The following CADM2 variants were observed in gnomAD, a reference collection of about 807,000 sequenced individuals.
CADM2 encodes immunoglobulin superfamily member 4D.
In CADM2, 12 loss-of-function variants were observed where a neutral mutation model predicts 49.8. The ratio of observed to expected loss-of-function variants is 0.24; its 90% CI spans 0.15 to 0.39. The LOEUF (loss-of-function observed/expected upper bound fraction) is 0.39, where lower values mean the gene tolerates loss of function less well. CADM2 is among the 10% of genes least tolerant of loss of function. CADM2 has a pLI of 1.00. For synonymous variants in CADM2, 214 were observed against 175.4 expected, an observed-to-expected ratio of 1.22 and a Z score of -1.74; for missense variants, 378 against 492.3, an observed-to-expected ratio of 0.77 and a Z score of 2.20.
intron 1 of CADM2, among the ~76,000 whole-genome samples, chr3:85,392,543 A>G (rs1439342153): frequency 6.6e-6 from 1 of 152,108 alleles, no homozygotes; most frequent in Non-Finnish European, 1.5e-5. Context: ...CTTTAGGCAG[A>G]ACATACATCC....
chr3:85,178,050 T>C (rs1483804484), intron 1 of CADM2, among the ~76,000 whole-genome samples: 2 of 151,942 alleles, frequency 1.3e-5, no homozygotes, highest in East Asian at 1.9e-4. Context: ...TCTGTACTAC[T>C]GTTCTGAAAC....
chr3:85,761,770 T>C (rs994485972), intron 2 of CADM2, among the ~76,000 whole-genome samples: 1 of 152,188 alleles, frequency 6.6e-6, no homozygotes. Flanking sequence ...TGTGTGTTTG[T>C]TAGTAGCATT....
intron 1 of CADM2, among the ~76,000 whole-genome samples, chr3:85,168,370 T>G (rs1370508526): frequency 6.6e-6 from 1 of 152,100 alleles, no homozygotes; most frequent in Non-Finnish European, 1.5e-5. Context: ...ACCGTAAACT[T>G]TATAGCTTTA....
chr3:85,897,356 G>A (rs112374913), intron 5 of CADM2, among the ~76,000 whole-genome samples: 46,311 of 139,230 alleles, frequency 0.33, 8,495 homozygotes, highest in East Asian at 0.45. Context: ...TGCAAGCTCC[G>A]CTTCCCGGGT....
intron 5 of CADM2, among the ~76,000 whole-genome samples, chr3:85,891,003 T>C (rs1362877637): frequency 1.3e-5 from 2 of 152,202 alleles, no homozygotes; most frequent in Non-Finnish European, 2.9e-5. Context: ...AAATTTATTC[T>C]ATAGGCAATA....
intron 1 of CADM2, among the ~76,000 whole-genome samples, chr3:85,643,833 G>A (rs555659542): frequency 4.6e-5 from 7 of 152,020 alleles, no homozygotes; most frequent in Non-Finnish European, 8.8e-5. Context: ...TTTAATCATA[G>A]ATGTTAGATG....
intron 1 of CADM2, among the ~76,000 whole-genome samples, chr3:85,110,934 A>G (rs1286997933): frequency 6.6e-6 from 1 of 151,980 alleles, no homozygotes; most frequent in Non-Finnish European, 1.5e-5. Context: ...ACTTCCATTG[A>G]TAACTATCTA....
At chr3:85,551,458 C>T (rs558858752) in intron 1 of CADM2, among the ~76,000 whole-genome samples, 1 of 152,176 alleles carries the variant, frequency 6.6e-6, no homozygotes, top group African/African-American at 2.4e-5. Context: ...TAGTCAGGTA[C>T]CCTAAGTAGC....
In CADM2 at chr3:85,312,578, C is replaced by A. The variant is rs56057829; in HGVS notation, c.61+352910C>A. On this transcript the variant is annotated intron_variant, in intron 1 of 9. Transcript: ENST00000383699. ...TATGATTCTCCACTTGGAATGTTTA[C>A]ATCACTTATTAGGTAAACAGTAGCA... Among the ~76,000 whole-genome samples the A allele has an allele frequency of 4.4e-3, 664 of 152,096 alleles. 3 individuals are homozygous for A. Among genetic ancestry groups the A allele is most frequent in the Middle Eastern group, 0.027 (8 of 294 alleles).
chr3:86,065,330 G>T (rs1420042021), intron 8 of CADM2, among the ~76,000 whole-genome samples: 1 of 152,208 alleles, frequency 6.6e-6, no homozygotes, highest in African/African-American at 2.4e-5. Context: ...AGGAAGGAAA[G>T]GTCTATAGCT....
At chr3:85,794,957 A>C (rs1227509300) in intron 2 of CADM2, among the ~76,000 whole-genome samples, 2 of 152,132 alleles carry the variant, frequency 1.3e-5, no homozygotes, top group Non-Finnish European at 2.9e-5. Flanking sequence ...AATTTTAAAA[A>C]ATATATTTTA....
chr3:85,099,497 T>A (rs980874125), intron 1 of CADM2, among the ~76,000 whole-genome samples: 1 of 149,000 alleles, frequency 6.7e-6, no homozygotes, highest in South Asian at 2.1e-4. Context: ...TGAGACACAG[T>A]CTCACTCTGT....
At chr3:85,811,199 A>T (rs2072851875) in intron 3 of CADM2, among the ~76,000 whole-genome samples, 1 of 152,192 alleles carries the variant, frequency 6.6e-6, no homozygotes, top group Non-Finnish European at 1.5e-5. Flanking sequence ...ACTTTTGATA[A>T]TACTTTCTGC....
At chr3:85,510,058 T>C (rs537408843) in intron 1 of CADM2, among the ~76,000 whole-genome samples, 1 of 151,952 alleles carries the variant, frequency 6.6e-6, no homozygotes, top group East Asian at 1.9e-4. Context: ...TGATCTCAAA[T>C]ATGTATAATG....
At chr3:85,616,174 T>C (rs2063796020) in intron 1 of CADM2, among the ~76,000 whole-genome samples, 1 of 151,826 alleles carries the variant, frequency 6.6e-6, no homozygotes, top group South Asian at 2.1e-4. Flanking sequence ...AGTCACCTAA[T>C]ATAAACCAAG....
intron 8 of CADM2, among the ~76,000 whole-genome samples, chr3:85,966,395 A>G (rs1034741943): frequency 2.0e-5 from 3 of 151,616 alleles, no homozygotes; most frequent in African/African-American, 7.3e-5. Flanking sequence ...CTTTTACCGT[A>G]GTAACCCTAT....
chr3:86,053,933 T>A (rs924162214), intron 8 of CADM2, among the ~76,000 whole-genome samples: 3 of 152,088 alleles, frequency 2.0e-5, no homozygotes, highest in African/African-American at 7.2e-5. Context: ...TGATCTGTTA[T>A]GCACAAGAAT....
chr3:85,038,678 T>TA (rs2035316574), intron 1 of CADM2, among the ~76,000 whole-genome samples: 1 of 152,216 alleles, frequency 6.6e-6, no homozygotes, highest in South Asian at 2.1e-4. Context: ...TTTAGTTATT[T>TA]AAACATTTTA....
At chr3:85,187,559 CCCAACTT>C (rs1275849431) in intron 1 of CADM2, among the ~76,000 whole-genome samples, 2 of 151,942 alleles carry the variant, frequency 1.3e-5, no homozygotes, top group African/African-American at 4.8e-5. Context: ...TTAGTAAATT[CCCAACTT>C]GCTGGTTTAT....
Sources: gnomAD v4.1 joint callset for allele counts (sites outside exome capture counted in the v4.1 genomes callset) on GRCh38, gnomAD v4.1.1 for gene constraint, MANE v1.5 for transcripts, NCBI Gene and HGNC (gene_info 2026-07-23, HGNC 2026-07-21) for gene names.